The following SCN8A variants were observed in gnomAD, a reference collection of about 807,000 sequenced individuals.
SCN8A encodes the protein sodium voltage-gated channel alpha subunit 8.
Under a neutral mutation model 184.1 loss-of-function variants are expected in SCN8A, and 30 were observed. The observed-to-expected ratio is 0.16, with a 90% CI of 0.12 to 0.22. The LOEUF (loss-of-function observed/expected upper bound fraction) is 0.22, where lower values mean the gene tolerates loss of function less well. SCN8A is among the 10% of genes least tolerant of loss of function. SCN8A has a pLI of 1.00. For synonymous variants in SCN8A, 852 were observed against 907.0 expected (o/e 0.94, Z 1.09); for missense variants, 1,057 against 2,498.9 (o/e 0.42, Z 12.30).
At chr12:51,600,472 A>G (rs1939439595) in intron 1 of SCN8A, among the ~76,000 whole-genome samples, 3 of 152,236 alleles carry the variant, frequency 2.0e-5, no homozygotes, top group African/African-American at 7.2e-5. Context: ...AAGCAGAGGG[A>G]AAGAAAAGGC....
At position 51,713,103 on chromosome 12, in the gene SCN8A, TC is replaced by T. The variant is rs1433030173; in HGVS notation, c.1635+6390del. On this transcript the variant is annotated intron_variant, in intron 11 of 26. Transcript: ENST00000627620. ...GATCATCAAAAGTTACAAAAGCAGA[TC>T]CTCTCTTTTTTCCACTCTGCCTCTC... 50 of 1,323,118 alleles carry T rather than the reference TC, an allele frequency of 3.8e-5. 7 individuals carry two copies. The African/African-American group carries it at 6.2e-4, about 16-fold the overall frequency. 82.0% of individuals were successfully genotyped at this position (1,323,118 alleles called of 1,614,324 possible).
chr12:51,755,680 G>A (rs1293191200), intron 14 of SCN8A, among the ~76,000 whole-genome samples: 1 of 151,998 alleles, frequency 6.6e-6, no homozygotes, highest in African/African-American at 2.4e-5. Flanking sequence ...ATATTGCTAT[G>A]GGAGCAGCAT....
At chr12:51,625,596 C>T (rs540911915) in intron 1 of SCN8A, among the ~76,000 whole-genome samples, 5 of 152,204 alleles carry the variant, frequency 3.3e-5, no homozygotes, top group Non-Finnish European at 7.4e-5. Context: ...TCAAACTGTG[C>T]GGTATTAGAG....
intron 2 of SCN8A, among the ~76,000 whole-genome samples, chr12:51,669,014 A>G (rs1230493000): frequency 3.9e-5 from 6 of 152,334 alleles, no homozygotes; most frequent in African/African-American, 1.4e-4. Flanking sequence ...CCCAGGCTAC[A>G]CACCTGTACA....
chr12:51,670,738 G>GC (rs894988572), intron 2 of SCN8A, among the ~76,000 whole-genome samples: 1 of 152,162 alleles, frequency 6.6e-6, no homozygotes, highest in African/African-American at 2.4e-5. Flanking sequence ...GAGTTACAGT[G>GC]GTGGGAGTGG....
At chr12:51,757,899 G>T (rs1307034471) in intron 14 of SCN8A, among the ~76,000 whole-genome samples, 5 of 152,128 alleles carry the variant, frequency 3.3e-5, no homozygotes, top group Non-Finnish European at 5.9e-5. Context: ...AGGAGATCAG[G>T]ACTCCTTTAT....
At chr12:51,712,693 A>G in intron 11 of SCN8A, 2 of 889,716 alleles carry the variant, frequency 2.2e-6, no homozygotes, top group East Asian at 2.4e-5. Flanking sequence ...CACCGCTACC[A>G]TATCCACCAC....
intron 26 of SCN8A, among the ~76,000 whole-genome samples, chr12:51,798,576 T>TGAG (rs1455597246): frequency 6.6e-6 from 1 of 152,160 alleles, no homozygotes; most frequent in Non-Finnish European, 1.5e-5. Flanking sequence ...TCAGCCTTGA[T>TGAG]GAGTGGGAGT....
intron 11 of SCN8A, among the ~76,000 whole-genome samples, chr12:51,707,394 G>A (rs553136586): frequency 9.2e-5 from 14 of 152,112 alleles, no homozygotes; most frequent in Non-Finnish European, 1.5e-4. Flanking sequence ...AACTTCAGGA[G>A]CAAGGAGAGT....
chr12:51,655,086 A>G (rs1319331420), intron 1 of SCN8A, among the ~76,000 whole-genome samples: 1 of 151,816 alleles, frequency 6.6e-6, no homozygotes, highest in Non-Finnish European at 1.5e-5. Flanking sequence ...TTTAGTACAG[A>G]TGGGTTTTTG....
intron 2 of SCN8A, among the ~76,000 whole-genome samples, chr12:51,668,908 C>T (rs995843209): frequency 6.6e-6 from 1 of 152,088 alleles, no homozygotes; most frequent in Non-Finnish European, 1.5e-5. Context: ...GTTATTAGGC[C>T]ATTTCATCCT....
chr12:51,666,295 G>A (rs565699061), intron 2 of SCN8A, among the ~76,000 whole-genome samples: 9 of 152,278 alleles, frequency 5.9e-5, no homozygotes, highest in Non-Finnish European at 1.2e-4. Context: ...TTCCACACAG[G>A]AATTTCATCT....
chr12:51,766,831 A>G (rs915061471), intron 16 of SCN8A, among the ~76,000 whole-genome samples: 1 of 152,310 alleles, frequency 6.6e-6, no homozygotes, highest in Admixed American at 6.5e-5. Context: ...TGCATTTTTA[A>G]CAAGATCCTT....
intron 1 of SCN8A, among the ~76,000 whole-genome samples, chr12:51,615,952 A>C (rs1359642591): frequency 6.6e-6 from 1 of 152,044 alleles, no homozygotes; most frequent in Non-Finnish European, 1.5e-5. Flanking sequence ...GGCTGGTCTT[A>C]AACTCTTGGC....
intron 2 of SCN8A, among the ~76,000 whole-genome samples, chr12:51,679,684 G>T (rs1941292383): frequency 6.8e-6 from 1 of 147,506 alleles, no homozygotes; most frequent in Non-Finnish European, 1.5e-5. Flanking sequence ...AAATTCCTAA[G>T]CTTTGAGTAC....
In SCN8A at chr12:51,804,395, T is replaced by C. The variant is rs537643219; in HGVS notation, c.4796-1887T>C. On this transcript the variant is annotated intron_variant, in intron 26 of 26. Coordinates refer to ENST00000627620, the MANE Select transcript of SCN8A (RefSeq NM_001330260.2). ...AGGCTGGGGTGTGATCTCAGCTCACTGCAACCTCTGCCTCCCAGGCTCACG... is the reference window on the plus strand; with the variant it reads ...AGGCTGGGGTGTGATCTCAGCTCACCGCAACCTCTGCCTCCCAGGCTCACG... 7.9e-5 allele frequency among the ~76,000 whole-genome samples: 12 copies of C among 151,916 alleles called. No homozygotes were observed. The South Asian group carries it at 1.9e-3, about 24-fold the overall frequency.
At chr12:51,632,488 T>C (rs1289191782) in intron 1 of SCN8A, among the ~76,000 whole-genome samples, 1 of 152,126 alleles carries the variant, frequency 6.6e-6, no homozygotes, top group Admixed American at 6.5e-5. Flanking sequence ...CTAACCTCAG[T>C]CTTAGACATA....
intron 1 of SCN8A, among the ~76,000 whole-genome samples, chr12:51,593,253 G>C (rs1939271368): frequency 6.6e-6 from 1 of 152,142 alleles, no homozygotes; most frequent in Admixed American, 6.5e-5. Flanking sequence ...GTCCTCCCTG[G>C]AGAGGGCTGC....
At chr12:51,697,074 T>G (rs1196375451) in intron 6 of SCN8A, among the ~76,000 whole-genome samples, 1 of 147,360 alleles carries the variant, frequency 6.8e-6, no homozygotes, top group African/African-American at 2.5e-5. Context: ...ACACAATAGG[T>G]CATAAGTAGT....
Sources: gnomAD v4.1 joint callset for allele counts (sites outside exome capture counted in the v4.1 genomes callset) on GRCh38, gnomAD v4.1.1 for gene constraint, MANE v1.5 for transcripts, NCBI Gene and HGNC (gene_info 2026-07-23, HGNC 2026-07-21) for gene names.